The following IL1R1 variants were observed in gnomAD, a reference collection of about 807,000 sequenced individuals.
IL1R1 encodes the protein interleukin-1 receptor type 1.
Under a neutral mutation model 50.2 loss-of-function variants are expected in IL1R1, and 22 were observed. The observed-to-expected ratio is 0.44, with a 90% CI of 0.31 to 0.63. The LOEUF is 0.63. Ranked by LOEUF, IL1R1 falls within the 20% of genes least tolerant of loss-of-function variation. IL1R1 has a pLI of 0.07. For synonymous variants in IL1R1, 251 were observed against 236.7 expected (o/e 1.06, Z -0.55); for missense variants, 509 against 676.2 (o/e 0.75, Z 2.74).
chr2:102,077,158 C>T (rs61627158), intron 1 of IL1R1, among the ~76,000 whole-genome samples: 14 of 152,180 alleles, frequency 9.2e-5, no homozygotes, highest in African/African-American at 2.9e-4. Flanking sequence ...GCAACCTCCA[C>T]CTCCTGGATT....
chr2:102,107,529 C>T (rs1408597300), intron 1 of IL1R1, among the ~76,000 whole-genome samples: 1 of 152,026 alleles, frequency 6.6e-6, no homozygotes, highest in African/African-American at 2.4e-5. Flanking sequence ...CATTAGGAGA[C>T]ATACCTAATG....
chr2:102,153,429 A>G (rs949506703), intron 1 of IL1R1, among the ~76,000 whole-genome samples: 8 of 152,254 alleles, frequency 5.3e-5, no homozygotes, highest in South Asian at 4.1e-4. Context: ...TTCCCCAAGG[A>G]TTATGGAACA....
At chr2:102,170,153 T>C (rs900142136) in intron 7 of IL1R1, among the ~76,000 whole-genome samples, 1 of 152,228 alleles carries the variant, frequency 6.6e-6, no homozygotes, top group Non-Finnish European at 1.5e-5. Flanking sequence ...ATCAGAAGCA[T>C]ATAGTACCCT....
At chr2:102,122,508 GTT>G (rs1681459562) in intron 1 of IL1R1, among the ~76,000 whole-genome samples, 1 of 152,164 alleles carries the variant, frequency 6.6e-6, no homozygotes, top group African/African-American at 2.4e-5. Flanking sequence ...AAAAAAAACA[GTT>G]TACTAACAGG....
intron 1 of IL1R1, among the ~76,000 whole-genome samples, chr2:102,085,071 A>G (rs1270737094): frequency 6.6e-6 from 1 of 152,076 alleles, no homozygotes; most frequent in Non-Finnish European, 1.5e-5. Context: ...TTGTATTTCT[A>G]TTGGGTTACC....
intron 1 of IL1R1, among the ~76,000 whole-genome samples, chr2:102,152,570 A>C (rs1417150995): frequency 6.9e-6 from 1 of 144,374 alleles, no homozygotes; most frequent in Non-Finnish European, 1.5e-5. Flanking sequence ...CCTTCTCTGC[A>C]AGAAGCTTCC....
chr2:102,175,609 C>G lies in IL1R1; in HGVS notation c.1267C>G (p.Leu423Val). ...EVLEKQCGYKLFIYGRDDYVG... is the reference protein window; with the variant it reads ...EVLEKQCGYKVFIYGRDDYVG... ...CTTGGAAAAACAGTGTGGATATAAG[C>G]TGTTCATTTATGGAAGGGATGACTA... Residue 423 changes from leucine to valine, a missense_variant, in exon 11 of 12, where the codon CTG becomes GTG. Physicochemically the swap from Leu to Val is conservative, Grantham distance 32 (BLOSUM62 1). Coordinates refer to ENST00000410023, the MANE Select transcript of IL1R1 (RefSeq NM_000877.4). 6.2e-7 allele frequency: 1 copy of G among 1,614,012 alleles called. No homozygotes were observed. Among genetic ancestry groups the G allele is most frequent in the Non-Finnish European group, 8.5e-7 (1 of 1,179,946 alleles).
intron 6 of IL1R1, among the ~76,000 whole-genome samples, chr2:102,167,478 C>G (rs1463186795): frequency 2.2e-5 from 3 of 136,626 alleles, no homozygotes; most frequent in Admixed American, 8.0e-5. Context: ...GATGGAGTCT[C>G]GCTCTGTCAC....
At chr2:102,159,997 T>G (rs917884290) in intron 3 of IL1R1, among the ~76,000 whole-genome samples, 1 of 152,216 alleles carries the variant, frequency 6.6e-6, no homozygotes, top group Non-Finnish European at 1.5e-5. Flanking sequence ...TGAAATTTTT[T>G]GCCAGTCTTT....
At chr2:102,147,271 A>G (rs919685127) in intron 1 of IL1R1, among the ~76,000 whole-genome samples, 1 of 152,216 alleles carries the variant, frequency 6.6e-6, no homozygotes, top group African/African-American at 2.4e-5. Flanking sequence ...TATTTACCCC[A>G]ATAAAAAAAT....
At chr2:102,117,860 G>C (rs1037385229) in intron 1 of IL1R1, among the ~76,000 whole-genome samples, 1 of 151,916 alleles carries the variant, frequency 6.6e-6, no homozygotes, top group African/African-American at 2.4e-5. Flanking sequence ...TGAGTTCCTG[G>C]GAGTTTTCCG....
chr2:102,167,542 G>A (rs1393794052), intron 6 of IL1R1, among the ~76,000 whole-genome samples: 1 of 149,920 alleles, frequency 6.7e-6, no homozygotes, highest in Non-Finnish European at 1.5e-5. Flanking sequence ...CTGCCTCCCG[G>A]GTTCATGCCA....
intron 1 of IL1R1, among the ~76,000 whole-genome samples, chr2:102,130,173 C>A (rs142455038): frequency 6.6e-6 from 1 of 152,130 alleles, no homozygotes; most frequent in Admixed American, 6.5e-5. Context: ...GTCCACTGTA[C>A]GTGTGTATGA....
chr2:102,123,513 C>A (rs898664618), intron 1 of IL1R1, among the ~76,000 whole-genome samples: 1 of 152,136 alleles, frequency 6.6e-6, no homozygotes, highest in Non-Finnish European at 1.5e-5. Context: ...CAGTGGCTCA[C>A]ACTTGTAATC....
At chr2:102,098,193 T>G (rs1679986936) in intron 1 of IL1R1, among the ~76,000 whole-genome samples, 1 of 152,122 alleles carries the variant, frequency 6.6e-6, no homozygotes, top group Non-Finnish European at 1.5e-5. Flanking sequence ...TAGTTTTTCA[T>G]AATATCCAAT....
At chr2:102,103,990 GAAAAAA>G (rs72041212), upstream of IL1R1, among the ~76,000 whole-genome samples, 2 of 83,976 alleles carry the variant, frequency 2.4e-5, no homozygotes, top group Admixed American at 1.5e-4. Context: ...GACTGTCTCA[GAAAAAA>G]AAAAAAAAAA....
intron 1 of IL1R1, among the ~76,000 whole-genome samples, chr2:102,071,559 T>C (rs1199598080): frequency 6.6e-6 from 1 of 152,246 alleles, no homozygotes. Context: ...TGGCCCAAAC[T>C]GGCTTACATA....
At chr2:102,088,658 C>T (rs1382474734) in intron 1 of IL1R1, among the ~76,000 whole-genome samples, 1 of 152,200 alleles carries the variant, frequency 6.6e-6, no homozygotes, top group South Asian at 2.1e-4. Flanking sequence ...CAAAACCAGA[C>T]GTTGACTTCT....
At chr2:102,128,235 T>G (rs1462708268) in intron 1 of IL1R1, among the ~76,000 whole-genome samples, 1 of 152,202 alleles carries the variant, frequency 6.6e-6, no homozygotes, top group Admixed American at 6.5e-5. Context: ...GAAAACTCCC[T>G]ATTCCAAAAT....
Sources: allele counts gnomAD v4.1 joint callset (sites outside exome capture counted in the v4.1 genomes callset), GRCh38; gene constraint gnomAD v4.1.1; transcripts MANE v1.5; gene names NCBI Gene and HGNC (gene_info 2026-07-23, HGNC 2026-07-21).